ZNF667: variants seen among roughly 807,000 people sequenced by gnomAD.
The protein encoded by ZNF667 is zinc finger protein 667.
ZNF667 carries 13 observed loss-of-function variants against 31.8 expected under a neutral mutation model. The observed-to-expected ratio is 0.41, with a 90% CI of 0.27 to 0.65. The LOEUF (loss-of-function observed/expected upper bound fraction) is 0.65, where lower values mean the gene tolerates loss of function less well. Among genes scored for constraint, ZNF667 ranks in the 30% least tolerant of loss-of-function variants. ZNF667 has a pLI of 0.32. For synonymous variants in ZNF667, 228 were observed against 247.1 expected, an observed-to-expected ratio of 0.92 and a Z score of 0.73; for missense variants, 642 against 725.6, an observed-to-expected ratio of 0.88 and a Z score of 1.32.
intron 5 of ZNF667, among the ~76,000 whole-genome samples, chr19:56,459,722 G>A (rs1042538547): frequency 3.9e-5 from 6 of 152,168 alleles, no homozygotes; most frequent in East Asian, 3.9e-4. Flanking sequence ...GGCTGAGTGC[G>A]GTGGCTCATG....
chr19:56,476,977 T>C (rs967962427), intron 1 of ZNF667: 1 of 152,644 alleles, frequency 6.6e-6, no homozygotes, highest in Non-Finnish European at 1.5e-5. Flanking sequence ...ACATCCGCGG[T>C]CCCGACATAG....
At chr19:56,460,481 G>A (rs1259600560) in intron 5 of ZNF667, among the ~76,000 whole-genome samples, 1 of 152,186 alleles carries the variant, frequency 6.6e-6, no homozygotes, top group Non-Finnish European at 1.5e-5. Context: ...ATTGATTGTG[G>A]TGATGGATGC....
At chr19:56,452,393 A>G (rs895309050) in intron 6 of ZNF667, among the ~76,000 whole-genome samples, 1 of 152,158 alleles carries the variant, frequency 6.6e-6, no homozygotes, top group Admixed American at 6.5e-5. Context: ...CTCAAAACAA[A>G]TGATAATGAA....
chr19:56,460,283 A>G (rs991372860), intron 5 of ZNF667, among the ~76,000 whole-genome samples: 1 of 152,218 alleles, frequency 6.6e-6, no homozygotes, highest in Admixed American at 6.5e-5. Context: ...GATGAACCTC[A>G]AAAACATTAG....
Position 56,459,783 on chromosome 19 carries a change from G to A in ZNF667, c.160+906C>T, listed in dbSNP as rs190366834. Among the ~76,000 whole-genome samples, 521 of 152,302 alleles carry A rather than the reference G, an allele frequency of 3.4e-3. 2 individuals are homozygous for A. Among genetic ancestry groups the A allele is most frequent in the African/African-American group, 0.012 (496 of 41,552 alleles). ...CCGAGGTGGGCAGATCACGAGGTCA[G>A]GAGATCGAGACCATCCTGGCTAATA... On this transcript the variant is annotated intron_variant, in intron 5 of 6. Transcript: ENST00000504904.
At chr19:56,470,130 G>A (rs2043258923) in intron 3 of ZNF667, 1 of 428,934 alleles carries the variant, frequency 2.3e-6, no homozygotes, top group South Asian at 1.7e-5. Flanking sequence ...CATCTGCAAA[G>A]GGAGGACAAA....
At chr19:56,443,540 A>C (rs151038732) in intron 6 of ZNF667, among the ~76,000 whole-genome samples, 18 of 152,300 alleles carry the variant, frequency 1.2e-4, no homozygotes, top group Non-Finnish European at 2.2e-4. Flanking sequence ...CCTGTAGGCA[A>C]TTTTAACACT....
chr19:56,462,492 GACACAC>G, intron 3 of ZNF667, 63 bp from the exon 4 acceptor site: 1 of 910,850 alleles, frequency 1.1e-6, no homozygotes, highest in African/African-American at 1.6e-5. Flanking sequence ...CTAACCTGGA[GACACAC>G]ACACACACAG....
Position 56,441,244 on chromosome 19 carries a change from T to C in ZNF667, c.1751A>G (p.Glu584Gly). 1.2e-6 allele frequency: 2 copies of C among 1,614,108 alleles called. No individual in the cohort carries two copies. Among genetic ancestry groups the C allele is most frequent in the South Asian group, 2.2e-5 (2 of 91,078 alleles). ...QRSHSSEKPYECSKCGKAYSR... is the reference protein window; with the variant it reads ...QRSHSSEKPYGCSKCGKAYSR... ...ATATGCCTTCCCACATTTACTACAT[T>C]CATAGGGTTTCTCTGAAGAATGACT... Residue 584 changes from glutamate (E) to glycine (G), a missense_variant, in exon 7 of 7, where the codon GAA becomes GGA. Transcript: ENST00000504904. The surrounding 1 kb of genome is among the most constrained non-coding windows in gnomAD (Gnocchi z 4.2).
At chr19:56,464,295 A>G (rs2043112486) in intron 3 of ZNF667, among the ~76,000 whole-genome samples, 1 of 152,224 alleles carries the variant, frequency 6.6e-6, no homozygotes, top group African/African-American at 2.4e-5. Flanking sequence ...AGAGTTTGAG[A>G]GCAACCTGAG....
At chr19:56,442,893 T>C (rs2147667563) in intron 6 of ZNF667, 152 bp from the exon 7 acceptor site, 1 of 1,051,126 alleles carries the variant, frequency 9.5e-7, no homozygotes, top group Non-Finnish European at 1.3e-6. Context: ...TTTTGATGAC[T>C]ATACTAAAGG....
chr19:56,466,525 G>C (rs1035194649), intron 3 of ZNF667, among the ~76,000 whole-genome samples: 1 of 152,124 alleles, frequency 6.6e-6, no homozygotes. Context: ...CTTCTCTGGT[G>C]CTCTTGTTAG....
chr19:56,457,904 C>T (rs545370089), intron 6 of ZNF667, among the ~76,000 whole-genome samples: 12 of 152,258 alleles, frequency 7.9e-5, no homozygotes, highest in African/African-American at 2.9e-4. Context: ...TCTATAATCA[C>T]CTATAATCTC....
intron 3 of ZNF667, among the ~76,000 whole-genome samples, chr19:56,463,587 G>A (rs2043099013): frequency 6.6e-6 from 1 of 152,016 alleles, no homozygotes; most frequent in Non-Finnish European, 1.5e-5. Context: ...GAATGCAGTG[G>A]TGTGATCTTG....
At chr19:56,451,100 T>C (rs1320708693) in intron 6 of ZNF667, among the ~76,000 whole-genome samples, 1 of 150,880 alleles carries the variant, frequency 6.6e-6, no homozygotes, top group Non-Finnish European at 1.5e-5. Context: ...GATTTGCCTA[T>C]AAAGACACAC....
At position 56,441,794 on chromosome 19, in the gene ZNF667, G is replaced by A; in HGVS notation, c.1201C>T (p.Leu401Phe). The A allele has an allele frequency of 6.2e-7, 1 of 1,613,958 alleles. No individual in the cohort carries two copies. ...CEKVCNRHSS[L>F]IQHQKVHTKK... Reference sequence around the variant, plus strand: ...GTATGAACTTTCTGATGTTGAATAAGGGATGAATGCCGATTGCAGACCTTC... The same window carrying A: ...GTATGAACTTTCTGATGTTGAATAAAGGATGAATGCCGATTGCAGACCTTC... Residue 401 changes from leucine to phenylalanine, a missense_variant, in exon 7 of 7, where the codon CTT becomes TTT. Leu to Phe is a conservative substitution (Grantham distance 22). Coordinates refer to ENST00000504904, the MANE Select transcript of ZNF667 (RefSeq NM_001321356.2). This position sits in a 1 kb window ranked among gnomAD's most constrained non-coding sequence, Gnocchi z 4.2.
intron 3 of ZNF667, among the ~76,000 whole-genome samples, chr19:56,463,323 T>C (rs2043090558): frequency 6.6e-6 from 1 of 151,976 alleles, no homozygotes. Flanking sequence ...GGGGAAGATG[T>C]TGGTGGCATG....
chr19:56,442,153 T>C lies in ZNF667; in HGVS notation c.842A>G (p.His281Arg), dbSNP rs1305592301. The change falls in exon 7 of 7, where the codon CAT (histidine) becomes CGT (arginine). Residue 281 changes from histidine (H) to arginine (R), a missense_variant. Coordinates refer to ENST00000504904, the MANE Select transcript of ZNF667 (RefSeq NM_001321356.2). ...HKKIHNGKKT[H>R]KYNKCGRGFK... is the part of the protein sequence containing the mutation. ...GCCTCTCCCACATTTATTATATTTA[T>C]GTGTTTTCTTTCCATTGTGAATTTT... 1.2e-6 allele frequency: 2 copies of C among 1,613,454 alleles called. No homozygotes were observed. The highest frequency in any genetic ancestry group is 1.7e-5 in the Admixed American group (1 of 59,868).
At chr19:56,470,617 C>T (rs2043271383) in intron 3 of ZNF667, among the ~76,000 whole-genome samples, 2 of 152,156 alleles carry the variant, frequency 1.3e-5, no homozygotes, top group Admixed American at 6.5e-5. Context: ...TGGCAGGGCA[C>T]GGGAGGCATC....
Sources: allele counts gnomAD v4.1 joint callset (sites outside exome capture counted in the v4.1 genomes callset), GRCh38; gene constraint gnomAD v4.1.1; non-coding constraint Gnocchi (gnomAD v3.1); transcripts MANE v1.5; gene names NCBI Gene and HGNC (gene_info 2026-07-23, HGNC 2026-07-21).